Variants in ST8SIA6 observed in about 807,000 individuals in gnomAD.
The protein encoded by ST8SIA6 is ST8 alpha-N-acetyl-neuraminide alpha-2,8-sialyltransferase 6, also known as alpha-2,8-sialyltransferase 8F.
ST8SIA6 carries 39 observed loss-of-function variants against 33.6 expected under a neutral mutation model. The observed-to-expected ratio is 1.16, with a 90% CI of 0.90 to 1.52. The LOEUF is 1.52. ST8SIA6 is among the 40% of genes most tolerant of loss of function. The pLI is 0.00. For missense variants in ST8SIA6, 441 were observed against 443.8 expected (o/e 0.99, Z 0.06); for synonymous variants, 172 against 167.2 (o/e 1.03, Z -0.22).
chr10:17,408,475 G>C (rs146212953), intron 2 of ST8SIA6, among the ~76,000 whole-genome samples: 301 of 152,028 alleles, frequency 2.0e-3, no homozygotes, highest in African/African-American at 7.0e-3. Flanking sequence ...GATCAGCCTG[G>C]CCAACATGTG....
chr10:17,358,756 AAAG>A (rs1367846889), intron 4 of ST8SIA6, among the ~76,000 whole-genome samples: 5 of 151,288 alleles, frequency 3.3e-5, no homozygotes, highest in East Asian at 2.0e-4. Flanking sequence ...GAGGAGGAGG[AAAG>A]AAGAAGAGAA....
chr10:17,373,058 G>A (rs12412250), intron 3 of ST8SIA6, among the ~76,000 whole-genome samples: 2 of 151,674 alleles, frequency 1.3e-5, no homozygotes, highest in African/African-American at 4.8e-5. Context: ...AAATTCCCAC[G>A]GCTGCAAGAA....
chr10:17,375,617 C>T (rs1849889454), intron 3 of ST8SIA6, among the ~76,000 whole-genome samples: 1 of 152,238 alleles, frequency 6.6e-6, no homozygotes, highest in African/African-American at 2.4e-5. Context: ...AGACACTCAC[C>T]TATGGCGTAA....
At chr10:17,385,654 G>A (rs76793550) in intron 3 of ST8SIA6, among the ~76,000 whole-genome samples, 5,800 of 152,170 alleles carry the variant, frequency 0.038, 135 homozygotes, top group African/African-American at 0.062. Flanking sequence ...AATGTCATCA[G>A]TAAAGGTAGG....
intron 2 of ST8SIA6, among the ~76,000 whole-genome samples, chr10:17,426,065 C>T (rs146305698): frequency 5.3e-4 from 81 of 152,234 alleles, no homozygotes; most frequent in African/African-American, 1.8e-3. Flanking sequence ...ATTATTCAAA[C>T]GAGACAGTCA....
chr10:17,321,974 A>T (rs1847964534), intron 7 of ST8SIA6, among the ~76,000 whole-genome samples: 1 of 151,866 alleles, frequency 6.6e-6, no homozygotes, highest in Middle Eastern at 3.2e-3. Context: ...ACGGTGGTGC[A>T]TGCCTGTAGT....
intron 2 of ST8SIA6, among the ~76,000 whole-genome samples, chr10:17,432,700 CCTGAGGACT>C (rs1440227155): frequency 6.6e-6 from 1 of 152,114 alleles, no homozygotes. Flanking sequence ...CTAAATATGG[CCTGAGGACT>C]CCGTACTTCT....
intron 4 of ST8SIA6, among the ~76,000 whole-genome samples, chr10:17,346,016 C>G (rs552775781): frequency 9.9e-4 from 151 of 152,294 alleles, no homozygotes; most frequent in Non-Finnish European, 1.4e-3. Flanking sequence ...ATTTCCAATG[C>G]GAGGTCATAG....
intron 4 of ST8SIA6, among the ~76,000 whole-genome samples, chr10:17,347,535 G>A (rs12244317): frequency 0.02 from 3,117 of 152,082 alleles, 75 homozygotes; most frequent in East Asian, 0.084. Context: ...TTGCAGAATC[G>A]GAGTGAGATT....
chr10:17,355,769 T>G (rs1030518944), intron 4 of ST8SIA6, among the ~76,000 whole-genome samples: 1 of 152,242 alleles, frequency 6.6e-6, no homozygotes, highest in Non-Finnish European at 1.5e-5. Context: ...TGGACTTTAC[T>G]CTGATAACCA....
Position 17,397,226 on chromosome 10 carries a change from G to GTTTTT in ST8SIA6, c.201-6611_201-6607dup, listed in dbSNP as rs1483021820. On this transcript the variant is annotated intron_variant, in intron 2 of 7. Coordinates refer to ENST00000377602, the MANE Select transcript of ST8SIA6 (RefSeq NM_001004470.3). ...CGAGGGGTTGTGTCGTTTGCAAATT[G>GTTTTT]TTTTTTGTTTTTTTTTTTTTTTTTG... Among the ~76,000 whole-genome samples, 78 of 80,008 alleles carry GTTTTT rather than the reference G, an allele frequency of 9.7e-4. 5 individuals are homozygous for GTTTTT. Among genetic ancestry groups the GTTTTT allele is most frequent in the Admixed American group, 1.1e-3 (7 of 6,460 alleles). The allele number at this position is 80,008 out of a possible 152,430, so 52.5% of individuals were successfully genotyped here. A position where few individuals can be genotyped will look rare whatever the true frequency, so the allele number is the denominator to read the frequency against.
rs190583242 is a variant in ST8SIA6, at chr10:17,319,104, G to C, written c.*1774C>G. 6.6e-6 allele frequency among the ~76,000 whole-genome samples: 1 copy of C among 152,068 alleles called. No homozygotes were observed. The highest frequency in any genetic ancestry group is 2.4e-5 in the African/African-American group (1 of 41,418). On this transcript the variant is annotated 3_prime_UTR_variant, in exon 8 of 8. Transcript: ENST00000377602. Reference sequence around the variant, plus strand: ...CAACTATAGACCCACTTGAGAAAAAGATAAAAAGAATGCACATGTTATATG... The same window carrying C: ...CAACTATAGACCCACTTGAGAAAAACATAAAAAGAATGCACATGTTATATG...
intron 2 of ST8SIA6, among the ~76,000 whole-genome samples, chr10:17,435,513 G>A (rs1034442189): frequency 6.6e-6 from 1 of 152,096 alleles, no homozygotes; most frequent in Non-Finnish European, 1.5e-5. Context: ...ATAACATTGT[G>A]GTGAGAATTA....
chr10:17,441,890 A>G (rs1396958120), intron 2 of ST8SIA6, among the ~76,000 whole-genome samples: 1 of 144,930 alleles, frequency 6.9e-6, no homozygotes, highest in Non-Finnish European at 1.5e-5. Flanking sequence ...TTTTTTTGAG[A>G]TGGAGTCTTG....
intron 2 of ST8SIA6, among the ~76,000 whole-genome samples, chr10:17,431,122 A>G (rs970615920): frequency 6.6e-6 from 1 of 152,234 alleles, no homozygotes; most frequent in African/African-American, 2.4e-5. Flanking sequence ...CTCATTAGGA[A>G]GAAGCCCTTT....
intron 2 of ST8SIA6, chr10:17,410,348 A>G (rs1851411954): frequency 6.6e-6 from 1 of 152,252 alleles, no homozygotes; most frequent in Admixed American, 6.5e-5. Context: ...GGCCTTGTCA[A>G]AAAATAATGA....
At chr10:17,337,580 A>G (rs934538319) in intron 4 of ST8SIA6, among the ~76,000 whole-genome samples, 8 of 152,232 alleles carry the variant, frequency 5.3e-5, no homozygotes, top group Non-Finnish European at 1.0e-4. Context: ...TGATAAGCAT[A>G]TGCTCTTTGT....
intron 4 of ST8SIA6, among the ~76,000 whole-genome samples, chr10:17,342,489 A>T (rs570216941): frequency 2.6e-5 from 4 of 152,184 alleles, no homozygotes; most frequent in Non-Finnish European, 5.9e-5. Flanking sequence ...TCTTTGGGTC[A>T]TATAGGATGG....
chr10:17,334,747 G>A (rs1848451868), intron 4 of ST8SIA6, among the ~76,000 whole-genome samples: 1 of 152,018 alleles, frequency 6.6e-6, no homozygotes, highest in Admixed American at 6.6e-5. Context: ...TTAATACCAA[G>A]CTACGTTTCA....
Sources: allele counts gnomAD v4.1 joint callset (sites outside exome capture counted in the v4.1 genomes callset), GRCh38; gene constraint gnomAD v4.1.1; transcripts MANE v1.5; gene names NCBI Gene and HGNC (gene_info 2026-07-23, HGNC 2026-07-21).